The following RETREG3 variants were observed in gnomAD, a reference collection of about 807,000 sequenced individuals.
RETREG3 encodes reticulophagy regulator 3.
Under a neutral mutation model 50.2 loss-of-function variants are expected in RETREG3, and 23 were observed. That is an observed-to-expected ratio of 0.46 (90% CI 0.33 to 0.65). The LOEUF (loss-of-function observed/expected upper bound fraction) is 0.65, where lower values mean the gene tolerates loss of function less well. Among genes scored for constraint, RETREG3 ranks in the 30% least tolerant of loss-of-function variants. The pLI is 0.02. For synonymous variants in RETREG3, 240 were observed against 234.4 expected (o/e 1.02, Z -0.22); for missense variants, 546 against 598.0 (o/e 0.91, Z 0.91).
chr17:42,600,625 G>GA (rs2093156699), intron 1 of RETREG3, among the ~76,000 whole-genome samples: 1 of 151,872 alleles, frequency 6.6e-6, no homozygotes, highest in African/African-American at 2.4e-5. Context: ...GCCAGGAATT[G>GA]AAAAAAATAA....
rs986066040 is a variant in RETREG3 at position 42,585,097 on chromosome 17, G to A, written c.727+28C>T. On this transcript the variant is annotated intron_variant, in intron 6 of 8. Transcript: ENST00000309428. Reference sequence around the variant, plus strand: ...CTCCTTTTCGCCCCAAATTGCGTAAGTGGAAAGAATGACACCATGACACTT... The same window carrying A: ...CTCCTTTTCGCCCCAAATTGCGTAAATGGAAAGAATGACACCATGACACTT... 1.9e-6 allele frequency: 3 copies of A among 1,607,348 alleles called. No homozygotes were observed. In the African/African-American group the frequency reaches 4.0e-5, roughly 21 times the overall value.
At chr17:42,587,952 T>C in intron 2 of RETREG3, 88 bp from the exon 3 acceptor site, 1 of 1,467,998 alleles carries the variant, frequency 6.8e-7, no homozygotes, top group East Asian at 2.3e-5. Flanking sequence ...GCTCAAGTTT[T>C]AATAGGTTGG....
At position 42,580,830 on chromosome 17, in the gene RETREG3, G is replaced by C. The variant is rs926435519; in HGVS notation, c.*983C>G. On this transcript the variant is annotated 3_prime_UTR_variant, in exon 9 of 9. Coordinates refer to ENST00000309428, the MANE Select transcript of RETREG3 (RefSeq NM_178126.4). ...AGGCGGGCTGATCATTTGCAGTCAGGAGTTCTAGACCAGCCTGGCCAGCAC... is the reference window on the plus strand; with the variant it reads ...AGGCGGGCTGATCATTTGCAGTCAGCAGTTCTAGACCAGCCTGGCCAGCAC... 1 of 151,924 alleles carries C rather than the reference G, an allele frequency of 6.6e-6. No individual in the cohort carries two copies. The highest frequency in any genetic ancestry group is 2.4e-5 in the African/African-American group (1 of 41,320). The allele number at this position is 151,924 out of a possible 1,614,324, so 9.4% of individuals were successfully genotyped here.
At chr17:42,592,822 T>G (rs2093135800) in intron 1 of RETREG3, among the ~76,000 whole-genome samples, 1 of 151,950 alleles carries the variant, frequency 6.6e-6, no homozygotes, top group Admixed American at 6.6e-5. Flanking sequence ...TGTGGTGGTG[T>G]GCACCTGTAA....
At chr17:42,584,341 C>T (rs1463491267) in intron 6 of RETREG3, among the ~76,000 whole-genome samples, 6 of 152,154 alleles carry the variant, frequency 3.9e-5, no homozygotes, top group Non-Finnish European at 8.8e-5. Flanking sequence ...GAAGGCCAGG[C>T]CTCCATAAAA....
intron 1 of RETREG3, among the ~76,000 whole-genome samples, chr17:42,607,821 G>A (rs2093171051): frequency 6.6e-6 from 1 of 150,788 alleles, no homozygotes. Context: ...AAAAAAAAAA[G>A]GGAAAAAGCA....
chr17:42,608,157 T>C (rs1041464125), intron 1 of RETREG3, among the ~76,000 whole-genome samples: 2 of 152,104 alleles, frequency 1.3e-5, no homozygotes, highest in African/African-American at 4.8e-5. Flanking sequence ...TCCAGAATAG[T>C]CTTAATCCAT....
intron 1 of RETREG3, among the ~76,000 whole-genome samples, chr17:42,594,081 C>G (rs2093138745): frequency 6.6e-6 from 1 of 152,190 alleles, no homozygotes; most frequent in Non-Finnish European, 1.5e-5. Context: ...GTCCCAGTTA[C>G]CTGGGGGACT....
intron 2 of RETREG3, among the ~76,000 whole-genome samples, chr17:42,589,533 A>C (rs902242267): frequency 6.6e-6 from 1 of 152,190 alleles, no homozygotes; most frequent in African/African-American, 2.4e-5. Flanking sequence ...CCAGGGCTCA[A>C]GGGATCTTCC....
Position 42,586,759 on chromosome 17 carries a change from T to C in RETREG3, c.504+6A>G. On this transcript the variant is annotated splice_donor_region_variant and intron_variant, in intron 4 of 8. Transcript: ENST00000309428. Reference sequence around the variant, plus strand: ...GAGATGAAAGTGAAAAAGGGAAGAGTCTTACCTTGCCTGGGTTTTGCTTTT... The same window carrying C: ...GAGATGAAAGTGAAAAAGGGAAGAGCCTTACCTTGCCTGGGTTTTGCTTTT... 2 of 1,612,748 alleles carry C rather than the reference T, an allele frequency of 1.2e-6. No homozygotes were observed. The highest frequency in any genetic ancestry group is 1.7e-6 in the Non-Finnish European group (2 of 1,179,360).
intron 1 of RETREG3, among the ~76,000 whole-genome samples, chr17:42,601,971 C>T (rs2143422891): frequency 6.6e-6 from 1 of 151,998 alleles, no homozygotes; most frequent in East Asian, 1.9e-4. Flanking sequence ...AAAAGCTGAA[C>T]TATACATCAC....
chr17:42,591,162 A>T (rs1256632752), intron 2 of RETREG3, among the ~76,000 whole-genome samples: 1 of 152,182 alleles, frequency 6.6e-6, no homozygotes, highest in African/African-American at 2.4e-5. Flanking sequence ...CTTTTTTCTC[A>T]ATCTGTTCAA....
At chr17:42,593,291 A>C (rs1054135161) in intron 1 of RETREG3, among the ~76,000 whole-genome samples, 3 of 152,184 alleles carry the variant, frequency 2.0e-5, no homozygotes, top group African/African-American at 7.2e-5. Context: ...AAAATCAGTA[A>C]GTGTAAGGCA....
intron 3 of RETREG3, among the ~76,000 whole-genome samples, chr17:42,587,376 C>T (rs2093123438): frequency 6.6e-6 from 1 of 152,182 alleles, no homozygotes; most frequent in South Asian, 2.1e-4. Flanking sequence ...AGTGGATGAA[C>T]TGAGAAATGA....
intron 2 of RETREG3, among the ~76,000 whole-genome samples, chr17:42,588,503 T>C (rs1470625213): frequency 6.6e-6 from 1 of 151,762 alleles, no homozygotes; most frequent in Non-Finnish European, 1.5e-5. Context: ...CCCGAGTAAC[T>C]GGGATTACAG....
intron 1 of RETREG3, among the ~76,000 whole-genome samples, chr17:42,594,782 C>T (rs1431032626): frequency 4.0e-5 from 6 of 149,590 alleles, no homozygotes; most frequent in East Asian, 4.1e-4. Context: ...ACCTGCGAGG[C>T]GGAGCTTGCA....
chr17:42,597,826 C>T (rs963621160), intron 1 of RETREG3, among the ~76,000 whole-genome samples: 1 of 149,916 alleles, frequency 6.7e-6, no homozygotes, highest in Admixed American at 6.7e-5. Flanking sequence ...GACGGAGTTT[C>T]GTCTTGTTGG....
At position 42,586,102 on chromosome 17, in the gene RETREG3, CA is replaced by C; in HGVS notation, c.539del (p.Leu180TrpfsTer16). On this transcript the variant is annotated frameshift_variant, in exon 5 of 9. Transcript: ENST00000309428. LOFTEE classifies it high-confidence loss of function. Reference protein sequence around the residue: ...CLLSCGILTFLAVLGRYVPGL... With the variant: ...CLLSCGILTFXAVLGRYVPGL... ...CAGGGACGTAGCGGCCCAAGACAGC[CA>C]AAAAGGTCAGTATCCCACAGCTCAG... 1 of 1,613,906 alleles carries C rather than the reference CA, an allele frequency of 6.2e-7. No individual in the cohort carries two copies. Among genetic ancestry groups the C allele is most frequent in the East Asian group, 2.2e-5 (1 of 44,868 alleles).
chr17:42,598,988 C>A (rs1453391711), intron 1 of RETREG3: 2 of 151,880 alleles, frequency 1.3e-5, no homozygotes. Flanking sequence ...GGAAAACCAA[C>A]CTTCTTAGGA....
Sources: gnomAD v4.1 joint callset for allele counts (sites outside exome capture counted in the v4.1 genomes callset) on GRCh38, gnomAD v4.1.1 for gene constraint, MANE v1.5 for transcripts, NCBI Gene and HGNC (gene_info 2026-07-23, HGNC 2026-07-21) for gene names.